Variants in SLX4IP observed in about 807,000 individuals in gnomAD.
SLX4IP encodes the protein SLX4 interacting protein.
A neutral mutation model predicts 32.9 loss-of-function variants in SLX4IP; 34 were observed. The observed-to-expected ratio is 1.03, with a 90% CI of 0.79 to 1.38. SLX4IP has a LOEUF of 1.38. Ranked by LOEUF, SLX4IP falls within the 40% of genes most tolerant of loss-of-function variation. The pLI, the probability that SLX4IP is intolerant of heterozygous loss-of-function variation, is 0.00. For missense variants in SLX4IP, 444 were observed against 479.0 expected (o/e 0.93, Z 0.68); for synonymous variants, 172 against 171.7 (o/e 1.00, Z -0.01).
At chr20:10,467,165 T>G (rs2122356416) in intron 2 of SLX4IP, among the ~76,000 whole-genome samples, 1 of 152,362 alleles carries the variant, frequency 6.6e-6, no homozygotes, top group East Asian at 1.9e-4. Flanking sequence ...TTTTTTCGTC[T>G]ACTTAAATGG....
chr20:10,540,024 A>G (rs1308068388), intron 2 of SLX4IP, among the ~76,000 whole-genome samples: 1 of 152,050 alleles, frequency 6.6e-6, no homozygotes, highest in Non-Finnish European at 1.5e-5. Flanking sequence ...AAGTCTCACC[A>G]TGGGGCTGAG....
chr20:10,538,692 A>T (rs1022044801), intron 2 of SLX4IP, among the ~76,000 whole-genome samples: 1 of 151,932 alleles, frequency 6.6e-6, no homozygotes, highest in Non-Finnish European at 1.5e-5. Context: ...TGCCCTGCTA[A>T]TTTTTTGTAT....
intron 1 of SLX4IP, among the ~76,000 whole-genome samples, chr20:10,452,677 A>AT (rs1319670602): frequency 0.013 from 1,054 of 81,242 alleles, 10 homozygotes; most frequent in African/African-American, 0.037. Flanking sequence ...AAAAAAAAAA[A>AT]AAAATATATA....
rs527421096 is a variant in SLX4IP, at chr20:10,446,423, A to T, written c.-30+10970A>T. Among the ~76,000 whole-genome samples the T allele has an allele frequency of 4.6e-3, 706 of 152,042 alleles. 16 individuals carry two copies. The South Asian group carries it at 0.068, about 15-fold the overall frequency. Reference sequence around the variant, plus strand: ...TGCGACTCTGTCTCAAAAAAAAAAAAAAAAAAAAAGTTACTATGAACATTT... The same window carrying T: ...TGCGACTCTGTCTCAAAAAAAAAAATAAAAAAAAAGTTACTATGAACATTT... On this transcript the variant is annotated intron_variant, in intron 1 of 7. Transcript: ENST00000334534.
At chr20:10,616,191 C>T (rs2067027186) in intron 6 of SLX4IP, among the ~76,000 whole-genome samples, 1 of 152,044 alleles carries the variant, frequency 6.6e-6, no homozygotes, top group South Asian at 2.1e-4. Context: ...TCCATCAGCA[C>T]ATTGTGTTGG....
chr20:10,583,238 A>C (rs2066605364), intron 4 of SLX4IP, among the ~76,000 whole-genome samples: 1 of 152,232 alleles, frequency 6.6e-6, no homozygotes, highest in Non-Finnish European at 1.5e-5. Flanking sequence ...CTAAAAGAGA[A>C]GTGATTTTTA....
chr20:10,619,168 C>T (rs1272504159), intron 6 of SLX4IP, among the ~76,000 whole-genome samples: 1 of 151,956 alleles, frequency 6.6e-6, no homozygotes, highest in Non-Finnish European at 1.5e-5. Context: ...AGCGGGAGAC[C>T]CCGCCTTGCT....
rs1279869049 is a variant in SLX4IP at position 10,622,651 on chromosome 20, T to C, written c.507-8T>C. On this transcript the variant is annotated splice_region_variant and splice_polypyrimidine_tract_variant and intron_variant, in intron 7 of 7. Transcript: ENST00000334534. ...TACAAACCATAAAATCATTTTTGTT[T>C]GTTTCAGTGTGAAAAGAACTGAAAC... 1 of 1,595,002 alleles carries C rather than the reference T, an allele frequency of 6.3e-7. No individual in the cohort carries two copies. The highest frequency in any genetic ancestry group is 2.2e-5 in the East Asian group (1 of 44,658).
chr20:10,509,780 C>G (rs1403967303), intron 2 of SLX4IP, among the ~76,000 whole-genome samples: 2 of 152,014 alleles, frequency 1.3e-5, no homozygotes, highest in Non-Finnish European at 2.9e-5. Flanking sequence ...CACTACAAAG[C>G]CCTGGCTCAA....
At chr20:10,485,078 A>G (rs1374211637) in intron 2 of SLX4IP, among the ~76,000 whole-genome samples, 3 of 151,958 alleles carry the variant, frequency 2.0e-5, no homozygotes, top group Non-Finnish European at 4.4e-5. Context: ...GAGGGGCTTT[A>G]AAGCCCAACA....
intron 6 of SLX4IP, among the ~76,000 whole-genome samples, chr20:10,606,437 AT>A (rs2066906803): frequency 1.3e-5 from 2 of 152,064 alleles, no homozygotes; most frequent in Admixed American, 6.6e-5. Context: ...ACTTTTCCAG[AT>A]TTTTCATGAT....
chr20:10,518,426 TCCCTCCC>T (rs1258665306), intron 2 of SLX4IP, among the ~76,000 whole-genome samples: 3 of 97,314 alleles, frequency 3.1e-5, no homozygotes, highest in African/African-American at 7.1e-5. Context: ...CTTCCTTCCC[TCCCTCCC>T]TCCTTCTTCC....
chr20:10,480,749 A>G (rs1200337572), intron 2 of SLX4IP, among the ~76,000 whole-genome samples: 1 of 152,220 alleles, frequency 6.6e-6, no homozygotes, highest in Admixed American at 6.5e-5. Flanking sequence ...TCAGTTTTAG[A>G]TACTAGTGAT....
chr20:10,447,734 T>A (rs2065212908), intron 1 of SLX4IP, among the ~76,000 whole-genome samples: 1 of 152,110 alleles, frequency 6.6e-6, no homozygotes, highest in Non-Finnish European at 1.5e-5. Flanking sequence ...AGACAGGGTC[T>A]CTGTCACCCA....
In SLX4IP at chr20:10,604,540, G is replaced by A. The variant is rs572965021; in HGVS notation, c.405+2721G>A. ...ACTTAGCTCCCCAGTACTTAAAGGT[G>A]GTTGCACAAAAGAACTGCTGTTCCA... is the stretch of plus-strand genomic sequence containing the variant. On this transcript the variant is annotated intron_variant, in intron 6 of 7. Coordinates refer to ENST00000334534, the MANE Select transcript of SLX4IP (RefSeq NM_001009608.3). 2.7e-4 allele frequency among the ~76,000 whole-genome samples: 41 copies of A among 152,382 alleles called. 1 individual carries two copies. The highest frequency in any genetic ancestry group is 3.4e-3 in the Middle Eastern group (1 of 294).
At chr20:10,560,373 A>G (rs1286008392) in intron 3 of SLX4IP, among the ~76,000 whole-genome samples, 2 of 152,230 alleles carry the variant, frequency 1.3e-5, no homozygotes, top group African/African-American at 4.8e-5. Context: ...ATATGAAAGC[A>G]TTCTTTACCA....
intron 4 of SLX4IP, among the ~76,000 whole-genome samples, chr20:10,561,431 A>G (rs1037707572): frequency 6.6e-6 from 1 of 151,630 alleles, no homozygotes; most frequent in African/African-American, 2.4e-5. Flanking sequence ...TATGAGCTCA[A>G]TTTTTTTAAT....
intron 2 of SLX4IP, among the ~76,000 whole-genome samples, chr20:10,527,026 G>A (rs920566502): frequency 6.6e-6 from 1 of 152,100 alleles, no homozygotes; most frequent in Non-Finnish European, 1.5e-5. Context: ...CCAAAGCAAG[G>A]TACCCATTGA....
At chr20:10,494,752 C>T (rs930999155) in intron 2 of SLX4IP, among the ~76,000 whole-genome samples, 8 of 152,070 alleles carry the variant, frequency 5.3e-5, no homozygotes, top group African/African-American at 1.7e-4. Flanking sequence ...CCCACTTTGT[C>T]TTTCTGTCTC....
Sources: allele counts gnomAD v4.1 joint callset (sites outside exome capture counted in the v4.1 genomes callset), GRCh38; gene constraint gnomAD v4.1.1; transcripts MANE v1.5; gene names NCBI Gene and HGNC (gene_info 2026-07-23, HGNC 2026-07-21).